The following PRR16 variants were observed in gnomAD, a reference collection of about 807,000 sequenced individuals.
PRR16 encodes proline rich 16.
In PRR16, 6 loss-of-function variants were observed where a neutral mutation model predicts 18.2. The observed-to-expected ratio is 0.33, with a 90% confidence interval of 0.18 to 0.65. The LOEUF (loss-of-function observed/expected upper bound fraction) is 0.65. PRR16 is among the 30% of genes least tolerant of loss of function. The pLI is 0.74. For synonymous variants in PRR16, 151 were observed against 147.8 expected, an observed-to-expected ratio of 1.02 and a Z score of -0.16; for missense variants, 412 against 376.6, an observed-to-expected ratio of 1.09 and a Z score of -0.78.
intron 1 of PRR16, among the ~76,000 whole-genome samples, chr5:120,577,677 C>T (rs1342261454): frequency 6.6e-6 from 1 of 152,044 alleles, no homozygotes; most frequent in Non-Finnish European, 1.5e-5. Flanking sequence ...CTGTATTTCT[C>T]CGAAATTAGG....
intron 1 of PRR16, among the ~76,000 whole-genome samples, chr5:120,625,599 A>G (rs551933025): frequency 1.3e-5 from 2 of 152,202 alleles, no homozygotes; most frequent in South Asian, 4.1e-4. Context: ...TGGCCTCCCA[A>G]AGTGCTGGGA....
the PRR16 span, among the ~76,000 whole-genome samples, chr5:120,744,282 G>A: frequency 6.6e-6 from 1 of 152,154 alleles, no homozygotes; most frequent in Non-Finnish European, 1.5e-5. Context: ...CTGTAGTAAG[G>A]CATGGGGTGG....
chr5:120,672,441 A>G (rs1273719447), intron 1 of PRR16, among the ~76,000 whole-genome samples: 4 of 151,788 alleles, frequency 2.6e-5, no homozygotes, highest in Non-Finnish European at 5.9e-5. Context: ...CAGGACCTGG[A>G]TCCTGGGAGT....
chr5:120,660,010 A>G (rs547651916), intron 1 of PRR16, among the ~76,000 whole-genome samples: 6 of 152,152 alleles, frequency 3.9e-5, no homozygotes, highest in South Asian at 2.1e-4. Context: ...TGTAGTTCAG[A>G]TCACTCTTCC....
intron 1 of PRR16, among the ~76,000 whole-genome samples, chr5:120,634,130 C>G (rs951821035): frequency 3.3e-5 from 5 of 152,090 alleles, no homozygotes; most frequent in Non-Finnish European, 7.4e-5. Flanking sequence ...AAGGAGTCCT[C>G]AAAACCATGC....
At chr5:120,618,580 A>G (rs1176412497) in intron 1 of PRR16, 1 of 922,202 alleles carries the variant, frequency 1.1e-6, no homozygotes, top group African/African-American at 1.8e-5. Context: ...GTAAAAAAGA[A>G]GTTATAGCAA....
the PRR16 span, among the ~76,000 whole-genome samples, chr5:120,736,730 T>C: frequency 6.6e-6 from 1 of 152,114 alleles, no homozygotes; most frequent in Non-Finnish European, 1.5e-5. Flanking sequence ...GAACATTGGA[T>C]GTCTTTCCGT....
chr5:120,668,843 T>G (rs2150144558), intron 1 of PRR16, among the ~76,000 whole-genome samples: 1 of 152,318 alleles, frequency 6.6e-6, no homozygotes, highest in Non-Finnish European at 1.5e-5. Context: ...CTGATGGGCT[T>G]CCCTTTGTGG....
chr5:120,497,191 T>A (rs1020466415), intron 1 of PRR16, among the ~76,000 whole-genome samples: 1 of 152,054 alleles, frequency 6.6e-6, no homozygotes, highest in African/African-American at 2.4e-5. Context: ...TTTCAAGGAG[T>A]GTTGCACAGA....
rs1314666015 is a variant in PRR16 at position 120,686,693 on chromosome 5, C to T, written c.899C>T (p.Thr300Ile). 1.3e-6 allele frequency: 2 copies of T among 1,544,006 alleles called. No individual in the cohort carries two copies. Among genetic ancestry groups the T allele is most frequent in the Non-Finnish European group, 1.7e-6 (2 of 1,145,174 alleles). ...CAGAAGACGATCTTGAGGAAGTCAA[C>T]CACTACAACCGTGTGATGTATGCCA... ...KPQKTILRKSTTTTV is the reference protein window; with the variant it reads ...KPQKTILRKSITTTV Residue 300 changes from threonine (T) to isoleucine (I), a missense_variant, in exon 2 of 2, where the codon ACC becomes ATC. Coordinates refer to ENST00000407149, the MANE Select transcript of PRR16 (RefSeq NM_001300783.2).
At chr5:120,640,533 C>T (rs2112855844) in intron 1 of PRR16, among the ~76,000 whole-genome samples, 1 of 152,082 alleles carries the variant, frequency 6.6e-6, no homozygotes, top group East Asian at 1.9e-4. Context: ...GTTTTTAAGG[C>T]AGTATATTCT....
intron 1 of PRR16, among the ~76,000 whole-genome samples, chr5:120,579,793 T>G (rs1466352368): frequency 7.9e-5 from 12 of 152,180 alleles, no homozygotes; most frequent in Non-Finnish European, 2.9e-5. Flanking sequence ...AATGGTAGTT[T>G]GATGGGAATA....
intron 1 of PRR16, among the ~76,000 whole-genome samples, chr5:120,474,990 T>C (rs1051626440): frequency 5.9e-5 from 9 of 152,154 alleles, no homozygotes; most frequent in African/African-American, 1.9e-4. Context: ...GAATTTAGAA[T>C]GGTTTCACTG....
intron 1 of PRR16, among the ~76,000 whole-genome samples, chr5:120,664,239 C>CTATGAGCTGAGATCGCACCATT (rs1195405210): frequency 2.6e-5 from 4 of 151,884 alleles, no homozygotes; most frequent in Non-Finnish European, 5.9e-5. Flanking sequence ...GTGGAGGTTG[C>CTATGAGCTGAGATCGCACCATT]TATGAGCTGA....
Position 120,686,581 on chromosome 5 carries a change from G to C in PRR16, c.787G>C (p.Glu263Gln). 6.2e-7 allele frequency: 1 copy of C among 1,613,576 alleles called. No individual in the cohort carries two copies. Among genetic ancestry groups the C allele is most frequent in the Non-Finnish European group, 8.5e-7 (1 of 1,179,856 alleles). ...PTPHLPPFPL[E>Q]NGGMGISHSN... ...ACCCCATCTCCCTCCTTTCCCACTA[G>C]AAAATGGGGGAATGGGAATAAGCCA... is the stretch of plus-strand genomic sequence containing the variant. The change falls in exon 2 of 2, where the codon GAA becomes CAA. Residue 263 changes from glutamate to glutamine, a missense_variant. Glu to Gln is a conservative substitution (Grantham distance 29, BLOSUM62 2). Coordinates refer to ENST00000407149, the MANE Select transcript of PRR16 (RefSeq NM_001300783.2).
chr5:120,703,772 GACATTT>G, the PRR16 span, among the ~76,000 whole-genome samples: 1 of 152,158 alleles, frequency 6.6e-6, no homozygotes, highest in Non-Finnish European at 1.5e-5. Flanking sequence ...TAAAAAGTGT[GACATTT>G]ACTTAGCTTG....
chr5:120,655,137 C>G (rs1755923109), intron 1 of PRR16, among the ~76,000 whole-genome samples: 1 of 151,750 alleles, frequency 6.6e-6, no homozygotes, highest in Non-Finnish European at 1.5e-5. Flanking sequence ...TTTCTGATTT[C>G]CAGTCTCCAC....
At chr5:120,683,928 A>T (rs543352532) in intron 1 of PRR16, among the ~76,000 whole-genome samples, 96 of 152,266 alleles carry the variant, frequency 6.3e-4, no homozygotes, top group African/African-American at 2.3e-3. Flanking sequence ...CTTCAAAAAA[A>T]AAAAAAACCA....
chr5:120,626,345 G>A (rs1165155947), intron 1 of PRR16, among the ~76,000 whole-genome samples: 1 of 152,064 alleles, frequency 6.6e-6, no homozygotes, highest in Non-Finnish European at 1.5e-5. Context: ...CACAGAAACA[G>A]TATGTTAAGT....
Sources: allele counts gnomAD v4.1 joint callset (sites outside exome capture counted in the v4.1 genomes callset), GRCh38; gene constraint gnomAD v4.1.1; transcripts MANE v1.5; gene names NCBI Gene and HGNC (gene_info 2026-07-23, HGNC 2026-07-21).